Variants in ASTN2 observed in about 807,000 individuals in gnomAD.
The protein encoded by ASTN2 is astrotactin-2.
In ASTN2, 54 loss-of-function variants were observed where a neutral mutation model predicts 139.8. That is an observed-to-expected ratio of 0.39 (90% confidence interval 0.31 to 0.48). The LOEUF is 0.48. Among genes scored for constraint, ASTN2 ranks in the 20% least tolerant of loss-of-function variants. The probability of loss-of-function intolerance (pLI) is 0.95; values close to 1 mark genes in which losing one functional copy is unlikely to be tolerated. For synonymous variants in ASTN2, 756 were observed against 719.5 expected (o/e 1.05, Z -0.81); for missense variants, 1,565 against 1,725.1 (o/e 0.91, Z 1.64).
intron 10 of ASTN2, among the ~76,000 whole-genome samples, chr9:116,893,134 G>A (rs1360454007): frequency 6.6e-6 from 1 of 150,910 alleles, no homozygotes; most frequent in Non-Finnish European, 1.5e-5. Flanking sequence ...TCATTGAAGT[G>A]TTGCCAAAAT....
intron 16 of ASTN2, among the ~76,000 whole-genome samples, chr9:116,686,506 A>C (rs1860217688): frequency 6.6e-6 from 1 of 152,108 alleles, no homozygotes; most frequent in Non-Finnish European, 1.5e-5. Context: ...CACCTTGGAG[A>C]GTAGGTGATT....
intron 10 of ASTN2, among the ~76,000 whole-genome samples, chr9:116,918,558 C>CT (rs932500987): frequency 7.9e-5 from 12 of 152,096 alleles, no homozygotes; most frequent in Admixed American, 6.6e-5. Flanking sequence ...TTCTTTCAAA[C>CT]TTTTTTTTCA....
chr9:117,319,356 A>G (rs1313643670), intron 1 of ASTN2, among the ~76,000 whole-genome samples: 1 of 152,184 alleles, frequency 6.6e-6, no homozygotes, highest in Non-Finnish European at 1.5e-5. Flanking sequence ...TGAATTCAGG[A>G]AAGTCATTTT....
intron 3 of ASTN2, among the ~76,000 whole-genome samples, chr9:117,171,333 G>A (rs967872825): frequency 1.3e-5 from 2 of 152,156 alleles, no homozygotes; most frequent in African/African-American, 2.4e-5. Flanking sequence ...GCCTGCATGG[G>A]TTCCTGGCCT....
chr9:116,887,087 GAAT>G (rs1291988934), intron 10 of ASTN2, among the ~76,000 whole-genome samples: 1 of 152,146 alleles, frequency 6.6e-6, no homozygotes, highest in African/African-American at 2.4e-5. Flanking sequence ...ATGTTATTGT[GAAT>G]AATGTGCTAA....
intron 1 of ASTN2, among the ~76,000 whole-genome samples, chr9:117,385,704 G>T (rs990535013): frequency 5.9e-5 from 9 of 152,120 alleles, no homozygotes; most frequent in African/African-American, 2.2e-4. Flanking sequence ...AGGAACGACA[G>T]AGGGAAGCAG....
At chr9:117,079,211 C>A (rs1259026859) in intron 5 of ASTN2, among the ~76,000 whole-genome samples, 1 of 152,204 alleles carries the variant, frequency 6.6e-6, no homozygotes, top group East Asian at 1.9e-4. Flanking sequence ...AAAAAATTAG[C>A]CACGTGTGGT....
intron 19 of ASTN2, among the ~76,000 whole-genome samples, chr9:116,580,723 A>G (rs527766489): frequency 1.1e-3 from 166 of 152,276 alleles, no homozygotes; most frequent in Non-Finnish European, 1.7e-3. Context: ...TTTTAAACCA[A>G]AGGGATTTTT....
intron 3 of ASTN2, among the ~76,000 whole-genome samples, chr9:117,201,319 C>A (rs1007883781): frequency 6.6e-6 from 1 of 152,002 alleles, no homozygotes. Flanking sequence ...TTTCAAAAAA[C>A]CAGCCTCTGG....
Position 116,530,655 on chromosome 9 carries a change from A to T in ASTN2, c.3356-43155T>A, listed in dbSNP as rs576864892. Among the ~76,000 whole-genome samples, 3 of 152,304 alleles carry T rather than the reference A, an allele frequency of 2.0e-5. No individual in the cohort carries two copies. The South Asian group carries it at 6.2e-4, about 32-fold the overall frequency. On this transcript the variant is annotated intron_variant, in intron 19 of 22. Coordinates refer to ENST00000313400, the MANE Select transcript of ASTN2 (RefSeq NM_001365068.1). ...AAAACAAGAAAATATCTGATGAATTAATGAATAAATGATAAAATGAATGAG... is the reference window on the plus strand; with the variant it reads ...AAAACAAGAAAATATCTGATGAATTTATGAATAAATGATAAAATGAATGAG...
intron 16 of ASTN2, among the ~76,000 whole-genome samples, chr9:116,710,888 G>A (rs1828137406): frequency 6.6e-6 from 1 of 152,058 alleles, no homozygotes; most frequent in Non-Finnish European, 1.5e-5. Flanking sequence ...CAGACCCCAA[G>A]ATATGAAACT....
At chr9:116,757,463 T>G (rs1290366494) in intron 13 of ASTN2, among the ~76,000 whole-genome samples, 1 of 152,174 alleles carries the variant, frequency 6.6e-6, no homozygotes, top group East Asian at 1.9e-4. Flanking sequence ...GTTGAGAGTT[T>G]GAGAAATGAA....
At chr9:117,144,394 C>G (rs988757318) in intron 3 of ASTN2, among the ~76,000 whole-genome samples, 1 of 152,186 alleles carries the variant, frequency 6.6e-6, no homozygotes, top group Non-Finnish European at 1.5e-5. Context: ...ATGTTATTCT[C>G]TAAGGCAAGC....
At chr9:117,234,122 A>G (rs927771365) in intron 2 of ASTN2, among the ~76,000 whole-genome samples, 3 of 152,124 alleles carry the variant, frequency 2.0e-5, no homozygotes, top group African/African-American at 7.2e-5. Context: ...GAGTTAGATG[A>G]GATGGTATGG....
intron 6 of ASTN2, 79 bp downstream of exon 6, chr9:117,039,739 GC>G: frequency 6.9e-7 from 1 of 1,443,556 alleles, no homozygotes; most frequent in East Asian, 2.4e-5. Context: ...CTAAGGTTTG[GC>G]CATACACAGA....
intron 1 of ASTN2, among the ~76,000 whole-genome samples, chr9:117,346,760 T>C (rs1430864032): frequency 6.6e-6 from 1 of 152,182 alleles, no homozygotes; most frequent in African/African-American, 2.4e-5. Context: ...ATACATATGA[T>C]ACATGGGTAT....
intron 22 of ASTN2, among the ~76,000 whole-genome samples, chr9:116,429,157 G>A (rs903042420): frequency 6.6e-6 from 1 of 151,902 alleles, no homozygotes; most frequent in Non-Finnish European, 1.5e-5. Context: ...TGGCCAACAT[G>A]GTGAAACGCT....
intron 3 of ASTN2, among the ~76,000 whole-genome samples, chr9:117,210,557 A>G (rs1376301501): frequency 1.3e-5 from 2 of 152,184 alleles, no homozygotes; most frequent in African/African-American, 2.4e-5. Context: ...GACTGAGTCA[A>G]TAATAAAAAG....
intron 2 of ASTN2, among the ~76,000 whole-genome samples, chr9:117,235,196 C>T (rs1307399553): frequency 6.6e-6 from 1 of 151,228 alleles, no homozygotes; most frequent in Non-Finnish European, 1.5e-5. Context: ...ATCACACCAT[C>T]GCACTCCAGC....
Sources: gnomAD v4.1 joint callset for allele counts (sites outside exome capture counted in the v4.1 genomes callset) on GRCh38, gnomAD v4.1.1 for gene constraint, MANE v1.5 for transcripts, NCBI Gene and HGNC (gene_info 2026-07-23, HGNC 2026-07-21) for gene names.